The following CSMD3 variants were observed in gnomAD, a reference collection of about 807,000 sequenced individuals.
The protein encoded by CSMD3 is CUB and Sushi multiple domains 3, also known as CUB and sushi domain-containing protein 3.
Under a neutral mutation model 435.2 loss-of-function variants are expected in CSMD3, and 177 were observed. That is an observed-to-expected ratio of 0.41 (90% confidence interval 0.36 to 0.46). The LOEUF (loss-of-function observed/expected upper bound fraction) is 0.46. Among genes scored for constraint, CSMD3 ranks in the 20% least tolerant of loss-of-function variants. The pLI is 0.34. For missense variants in CSMD3, 4,265 were observed against 4,504.6 expected, an observed-to-expected ratio of 0.95 and a Z score of 1.52; for synonymous variants, 1,656 against 1,520.5, an observed-to-expected ratio of 1.09 and a Z score of -2.07.
intron 17 of CSMD3, among the ~76,000 whole-genome samples, chr8:112,665,079 T>C (rs2075488212): frequency 6.6e-6 from 1 of 152,144 alleles, no homozygotes; most frequent in South Asian, 2.1e-4. Context: ...TTGTAATAAA[T>C]AGCTGAGTGT....
chr8:112,368,555 A>G (rs56166244), intron 38 of CSMD3, among the ~76,000 whole-genome samples: 59,802 of 151,924 alleles, frequency 0.39, 13,236 homozygotes, highest in Middle Eastern at 0.53. Flanking sequence ...AAATATTTTA[A>G]GGCTAGATGT....
chr8:113,212,555 A>G (rs59592387), intron 3 of CSMD3, among the ~76,000 whole-genome samples: 17,286 of 152,140 alleles, frequency 0.11, 1,589 homozygotes, highest in African/African-American at 0.25. Flanking sequence ...ATACTATGCA[A>G]TCATAAAAAA....
chr8:113,324,049 A>G (rs1015163107), intron 1 of CSMD3, among the ~76,000 whole-genome samples: 1 of 152,204 alleles, frequency 6.6e-6, no homozygotes, highest in Non-Finnish European at 1.5e-5. Flanking sequence ...ATCTGGTGGA[A>G]GAAATTTCTA....
At chr8:113,420,713 G>A (rs1452991957) in intron 1 of CSMD3, among the ~76,000 whole-genome samples, 5 of 151,876 alleles carry the variant, frequency 3.3e-5, no homozygotes, top group African/African-American at 4.8e-5. Context: ...TTCGGGAGGC[G>A]GAGGCGGATG....
chr8:113,389,220 T>G (rs1016513915), intron 1 of CSMD3, among the ~76,000 whole-genome samples: 1 of 151,638 alleles, frequency 6.6e-6, no homozygotes, highest in Admixed American at 6.6e-5. Flanking sequence ...CTCTTGCACT[T>G]TAAATTGAAT....
At chr8:113,075,021 A>G (rs2131422272) in intron 5 of CSMD3, among the ~76,000 whole-genome samples, 1 of 151,872 alleles carries the variant, frequency 6.6e-6, no homozygotes, top group South Asian at 2.1e-4. Flanking sequence ...TTTGATAAGG[A>G]CCTACATTTT....
intron 4 of CSMD3, among the ~76,000 whole-genome samples, chr8:113,133,161 A>T (rs983244160): frequency 3.3e-5 from 5 of 152,186 alleles, no homozygotes; most frequent in African/African-American, 1.2e-4. Flanking sequence ...ATTCTAAATT[A>T]TATCTTACAA....
chr8:112,292,446 C>T (rs192350822), intron 55 of CSMD3, 91 bp downstream of exon 55: 1 of 1,318,256 alleles, frequency 7.6e-7, no homozygotes, highest in East Asian at 2.3e-5. Context: ...AAACTTTTTA[C>T]TATTCTGCTC....
Position 113,173,856 on chromosome 8 carries a change from G to A in CSMD3, c.575C>T (p.Thr192Ile), listed in dbSNP as rs796562378. Residue 192 changes from threonine (T) to isoleucine (I), a missense_variant, in exon 4 of 71, where the codon ACA becomes ATA. Physicochemically the swap from Thr to Ile is moderately conservative, Grantham distance 89 (BLOSUM62 -1). Transcript: ENST00000297405. ...GVPPKGVLYGTRFDVGDKIRY... is the reference protein window; with the variant it reads ...GVPPKGVLYGIRFDVGDKIRY... ...GATCTTGTCCCCGACGTCGAATCTT[G>A]TGCCATATAATACACCTTTGGGTGG... 6.2e-7 allele frequency: 1 copy of A among 1,613,852 alleles called. No homozygotes were observed. Among genetic ancestry groups the A allele is most frequent in the Non-Finnish European group, 8.5e-7 (1 of 1,179,848 alleles).
chr8:112,903,953 T>C (rs1400337390), intron 10 of CSMD3, among the ~76,000 whole-genome samples: 1 of 151,340 alleles, frequency 6.6e-6, no homozygotes, highest in African/African-American at 2.4e-5. Context: ...AAAACTGAAT[T>C]GGGAAACTCA....
chr8:112,455,484 G>A (rs1186955756), intron 32 of CSMD3, among the ~76,000 whole-genome samples: 2 of 151,976 alleles, frequency 1.3e-5, no homozygotes, highest in South Asian at 2.1e-4. Flanking sequence ...GGCTGACAGG[G>A]TTATTTGTAC....
At chr8:112,822,326 C>T (rs2079551632) in intron 12 of CSMD3, among the ~76,000 whole-genome samples, 1 of 151,834 alleles carries the variant, frequency 6.6e-6, no homozygotes, top group South Asian at 2.1e-4. Flanking sequence ...TTCTTATTTC[C>T]TTGTGCAGTG....
At chr8:113,429,599 A>C (rs2094658324) in intron 1 of CSMD3, among the ~76,000 whole-genome samples, 1 of 152,132 alleles carries the variant, frequency 6.6e-6, no homozygotes, top group Non-Finnish European at 1.5e-5. Context: ...GTCTTCTACC[A>C]AATAAGTAAT....
intron 13 of CSMD3, among the ~76,000 whole-genome samples, chr8:112,776,274 T>C (rs2078244223): frequency 3.3e-5 from 5 of 151,834 alleles, no homozygotes; most frequent in Admixed American, 2.0e-4. Context: ...TGTTGCTTTT[T>C]AAAATTATTA....
chr8:112,738,098 G>A (rs1471256583), intron 13 of CSMD3, among the ~76,000 whole-genome samples: 2 of 151,742 alleles, frequency 1.3e-5, no homozygotes, highest in Non-Finnish European at 2.9e-5. Flanking sequence ...ATAGATTATG[G>A]TGTCATTGAT....
chr8:112,970,866 C>T (rs554564001), intron 7 of CSMD3, among the ~76,000 whole-genome samples: 22 of 151,898 alleles, frequency 1.4e-4, no homozygotes, highest in East Asian at 5.9e-4. Flanking sequence ...GGACTACAGG[C>T]GCCCGCCACC....
intron 1 of CSMD3, among the ~76,000 whole-genome samples, chr8:113,384,395 C>A (rs2094430748): frequency 6.6e-6 from 1 of 152,060 alleles, no homozygotes; most frequent in African/African-American, 2.4e-5. Flanking sequence ...CAGTCAGGAT[C>A]CAGACAGGAA....
chr8:113,313,619 T>G (rs1345268043), intron 2 of CSMD3: 1 of 152,224 alleles, frequency 6.6e-6, no homozygotes, highest in Non-Finnish European at 1.5e-5. Flanking sequence ...ATAATCTGCT[T>G]CTTGTACATT....
At chr8:112,528,854 T>C (rs1825244464) in intron 27 of CSMD3, among the ~76,000 whole-genome samples, 1 of 152,034 alleles carries the variant, frequency 6.6e-6, no homozygotes, top group Admixed American at 6.6e-5. Context: ...GGTTTGCACA[T>C]GTAGCACCCC....
Sources: allele counts gnomAD v4.1 joint callset (sites outside exome capture counted in the v4.1 genomes callset), GRCh38; gene constraint gnomAD v4.1.1; transcripts MANE v1.5; gene names NCBI Gene and HGNC (gene_info 2026-07-23, HGNC 2026-07-21).